Variants in ZBTB20 observed in about 807,000 individuals in gnomAD.
ZBTB20 encodes zinc finger and BTB domain containing 20, also known as zinc finger and BTB domain-containing protein 20.
ZBTB20 carries 9 observed loss-of-function variants against 56.9 expected under a neutral mutation model. That is an observed-to-expected ratio of 0.16 (90% CI 0.10 to 0.28). The LOEUF (loss-of-function observed/expected upper bound fraction) is 0.28, where lower values mean the gene tolerates loss of function less well. Among genes scored for constraint, ZBTB20 ranks in the 10% least tolerant of loss-of-function variants. The pLI is 1.00. For missense variants in ZBTB20, 655 were observed against 1,003.0 expected (o/e 0.65, Z 4.69); for synonymous variants, 417 against 420.7 (o/e 0.99, Z 0.11).
intron 4 of ZBTB20, among the ~76,000 whole-genome samples, chr3:114,848,266 G>C (rs1324773162): frequency 6.6e-6 from 1 of 152,110 alleles, no homozygotes; most frequent in Non-Finnish European, 1.5e-5. Flanking sequence ...ACACATGCGG[G>C]CAGGTAAACC....
chr3:115,100,128 T>A (rs73230603), intron 1 of ZBTB20: 5 of 151,342 alleles, frequency 3.3e-5, no homozygotes, highest in Non-Finnish European at 5.9e-5. Context: ...AGAGGGGGCA[T>A]TGAGGAAGCA....
rs185596449 is a variant in ZBTB20 at position 114,838,750 on chromosome 3, T to G, written c.-416-37576A>C. On this transcript the variant is annotated intron_variant, in intron 4 of 11. Transcript: ENST00000675478. ...TAAAGCACTATTCCATATTTTTTTT[T>G]AATGCCTGCCTTGGAAGGTAGCAAA... Among the ~76,000 whole-genome samples the G allele has an allele frequency of 5.9e-5, 9 of 152,258 alleles. 2 individuals are homozygous for G. The highest frequency in any genetic ancestry group is 5.2e-4 in the Admixed American group (8 of 15,290).
intron 6 of ZBTB20, among the ~76,000 whole-genome samples, chr3:114,583,277 C>A (rs990678825): frequency 1.3e-5 from 2 of 152,068 alleles, no homozygotes; most frequent in Non-Finnish European, 2.9e-5. Flanking sequence ...AAATGTGAAA[C>A]AGAGAAATGA....
intron 7 of ZBTB20, among the ~76,000 whole-genome samples, chr3:114,426,524 T>TGGG (rs2089688470): frequency 6.6e-6 from 1 of 152,210 alleles, no homozygotes; most frequent in African/African-American, 2.4e-5. Context: ...TTGTCTAACC[T>TGGG]GTCAGCATCC....
chr3:115,007,485 G>A (rs1380160788), intron 2 of ZBTB20, among the ~76,000 whole-genome samples: 6 of 151,442 alleles, frequency 4.0e-5, no homozygotes, highest in East Asian at 2.0e-4. Flanking sequence ...TTTAACAATC[G>A]CTCTGTGTTC....
intron 1 of ZBTB20, among the ~76,000 whole-genome samples, chr3:115,117,054 A>G (rs575767515): frequency 2.0e-4 from 30 of 152,222 alleles, no homozygotes; most frequent in African/African-American, 6.7e-4. Flanking sequence ...AAAACATGCT[A>G]TTGTTTTTGC....
intron 5 of ZBTB20, among the ~76,000 whole-genome samples, chr3:114,695,241 T>C (rs1355347868): frequency 2.0e-5 from 3 of 152,042 alleles, no homozygotes; most frequent in Non-Finnish European, 4.4e-5. Flanking sequence ...AAATTCTCCC[T>C]AGCTTCTTTT....
chr3:114,738,257 T>C (rs976293769), intron 5 of ZBTB20, among the ~76,000 whole-genome samples: 5 of 152,092 alleles, frequency 3.3e-5, no homozygotes, highest in African/African-American at 9.6e-5. Context: ...CACTATATCA[T>C]TGCCCAATTT....
intron 3 of ZBTB20, among the ~76,000 whole-genome samples, chr3:114,964,749 A>G (rs140448879): frequency 3.3e-5 from 5 of 152,250 alleles, no homozygotes; most frequent in Admixed American, 3.3e-4. Flanking sequence ...CAAAGAGTGG[A>G]CTGAGACCGA....
At chr3:114,701,106 A>G (rs1578414240) in intron 5 of ZBTB20, among the ~76,000 whole-genome samples, 1 of 152,244 alleles carries the variant, frequency 6.6e-6, no homozygotes, top group East Asian at 1.9e-4. Context: ...TTAACCTGGC[A>G]TATGAATGGG....
intron 2 of ZBTB20, among the ~76,000 whole-genome samples, chr3:115,029,412 C>T (rs1307613943): frequency 6.6e-6 from 1 of 150,426 alleles, no homozygotes; most frequent in Non-Finnish European, 1.5e-5. Flanking sequence ...TTAAGAATAG[C>T]CAGTAACCTT....
At chr3:115,032,886 A>G (rs939518494) in intron 2 of ZBTB20, among the ~76,000 whole-genome samples, 2 of 150,490 alleles carry the variant, frequency 1.3e-5, no homozygotes, top group Non-Finnish European at 3.0e-5. Flanking sequence ...GGGAAAGTTT[A>G]TAATTATAAA....
intron 2 of ZBTB20, among the ~76,000 whole-genome samples, chr3:115,029,853 A>C (rs1205937058): frequency 6.6e-6 from 1 of 151,102 alleles, no homozygotes; most frequent in Non-Finnish European, 1.5e-5. Context: ...CCTAAGCATA[A>C]AAGCAAAGGC....
At chr3:115,132,603 T>C (rs917569661) in intron 1 of ZBTB20, among the ~76,000 whole-genome samples, 3 of 152,100 alleles carry the variant, frequency 2.0e-5, no homozygotes, top group African/African-American at 7.2e-5. Flanking sequence ...GTTTTTAGGA[T>C]TTAACAATTT....
chr3:114,575,585 AAAAAAT>A (rs1373892571), intron 6 of ZBTB20, among the ~76,000 whole-genome samples: 1 of 133,496 alleles, frequency 7.5e-6, no homozygotes, highest in Non-Finnish European at 1.6e-5. Context: ...AACTACCTTT[AAAAAAT>A]AAAAAAAAAA....
rs2078867815 is a variant in ZBTB20, at chr3:114,320,810, A to T, written c.*18195T>A. On this transcript the variant is annotated 3_prime_UTR_variant, in exon 12 of 12. Coordinates refer to ENST00000675478, the MANE Select transcript of ZBTB20 (RefSeq NM_001348800.3). ...GACATAGCAAATGGACTCTATTCTT[A>T]TAAAAATAACCACAAATATAAAGAA... The T allele has an allele frequency of 6.6e-6, 1 of 152,206 alleles. No homozygotes were observed. Among genetic ancestry groups the T allele is most frequent in the African/African-American group, 2.4e-5 (1 of 41,458 alleles). 9.4% of individuals were successfully genotyped at this position (152,206 alleles called of 1,614,324 possible). A position where few individuals can be genotyped will look rare whatever the true frequency, so the allele number is the denominator to read the frequency against.
chr3:115,068,166 C>T (rs1576697852), intron 2 of ZBTB20, among the ~76,000 whole-genome samples: 1 of 149,596 alleles, frequency 6.7e-6, no homozygotes, highest in Non-Finnish European at 1.5e-5. Flanking sequence ...ATGTGTAGAT[C>T]CCTACTAGAT....
chr3:114,554,914 T>G (rs1009476822), intron 6 of ZBTB20, among the ~76,000 whole-genome samples: 1 of 152,166 alleles, frequency 6.6e-6, no homozygotes, highest in Admixed American at 6.6e-5. Flanking sequence ...CTGGTTACAG[T>G]GGCAGCTTTG....
At chr3:114,617,479 C>T (rs1157535274) in intron 6 of ZBTB20, among the ~76,000 whole-genome samples, 1 of 152,212 alleles carries the variant, frequency 6.6e-6, no homozygotes, top group Non-Finnish European at 1.5e-5. Flanking sequence ...ACTGTGCCTC[C>T]ATGGTTCCTT....
Sources: gnomAD v4.1 joint callset for allele counts (sites outside exome capture counted in the v4.1 genomes callset) on GRCh38, gnomAD v4.1.1 for gene constraint, MANE v1.5 for transcripts, NCBI Gene and HGNC (gene_info 2026-07-23, HGNC 2026-07-21) for gene names.